ARAP2: variants seen among roughly 807,000 people sequenced by gnomAD.
ARAP2 encodes arf-GAP with Rho-GAP domain, ANK repeat and PH domain-containing protein 2.
Under a neutral mutation model 194.5 loss-of-function variants are expected in ARAP2, and 148 were observed. The observed-to-expected ratio is 0.76, with a 90% CI of 0.67 to 0.87. The LOEUF (loss-of-function observed/expected upper bound fraction) is 0.87, where lower values mean the gene tolerates loss of function less well. Ranked by LOEUF, ARAP2 falls within the 40% of genes least tolerant of loss-of-function variation. The pLI is 0.00. For synonymous variants in ARAP2, 695 were observed against 683.5 expected, an observed-to-expected ratio of 1.02 and a Z score of -0.26; for missense variants, 2,128 against 1,989.7, an observed-to-expected ratio of 1.07 and a Z score of -1.32.
intron 2 of ARAP2, among the ~76,000 whole-genome samples, chr4:36,221,129 T>G (rs1459550963): frequency 6.6e-6 from 1 of 152,138 alleles, no homozygotes; most frequent in African/African-American, 2.4e-5. Context: ...TTCCTACAGT[T>G]CAGTACAGTA....
At position 36,067,103 on chromosome 4, in the gene ARAP2, C is replaced by T. The variant is rs1350181226; in HGVS notation, c.*804G>A. On this transcript the variant is annotated 3_prime_UTR_variant, in exon 33 of 33. Coordinates refer to ENST00000303965, the MANE Select transcript of ARAP2 (RefSeq NM_015230.4). ...AGGCCAGGTCCTGTGTACACAACCT[C>T]TCCAATGCAGTGTAAGTTTCCTCTT... The T allele has an allele frequency of 6.6e-6, 1 of 152,260 alleles. No homozygotes were observed. Among genetic ancestry groups the T allele is most frequent in the Non-Finnish European group, 1.5e-5 (1 of 68,052 alleles). 9.4% of individuals were successfully genotyped at this position (152,260 alleles called of 1,614,324 possible). A position where few individuals can be genotyped will look rare whatever the true frequency, so the allele number is the denominator to read the frequency against.
chr4:36,097,599 A>G (rs1715648649), intron 27 of ARAP2, among the ~76,000 whole-genome samples: 1 of 152,090 alleles, frequency 6.6e-6, no homozygotes, highest in African/African-American at 2.4e-5. Context: ...GCTAGACAGA[A>G]AGCTCCCTTG....
chr4:36,243,383 CAAAAAAAA>C (rs71201008), intron 1 of ARAP2, among the ~76,000 whole-genome samples: 32,101 of 85,332 alleles, frequency 0.38, 4,349 homozygotes, highest in Middle Eastern at 0.58. Flanking sequence ...GACAAGCTTG[CAAAAAAAA>C]AAAAAAAAAA....
At chr4:36,236,226 T>C (rs918427238) in intron 1 of ARAP2, among the ~76,000 whole-genome samples, 2 of 150,398 alleles carry the variant, frequency 1.3e-5, no homozygotes, top group Admixed American at 6.6e-5. Flanking sequence ...TTCCCCCTAA[T>C]GTCTCGAATA....
chr4:36,028,356 T>C (rs1172548184), intron 5 of ARAP2, among the ~76,000 whole-genome samples: 3 of 152,078 alleles, frequency 2.0e-5, no homozygotes, highest in Non-Finnish European at 4.4e-5. Context: ...TTTTAAAATC[T>C]TCTTAATTTC....
At chr4:36,118,001 T>C (rs181711584) in intron 24 of ARAP2, among the ~76,000 whole-genome samples, 24 of 151,496 alleles carry the variant, frequency 1.6e-4, no homozygotes, top group Middle Eastern at 3.4e-3. Context: ...ATAAAAAAGA[T>C]CATAACCAAG....
At chr4:36,180,869 T>G (rs929625191) in intron 8 of ARAP2, among the ~76,000 whole-genome samples, 1 of 152,234 alleles carries the variant, frequency 6.6e-6, no homozygotes, top group Non-Finnish European at 1.5e-5. Context: ...AATAGTAGCA[T>G]TCAGTTTATT....
chr4:36,014,562 ACAAATTCAGCAAATTGCTATTATAATAC>A (rs1473909955), intron 8 of ARAP2, among the ~76,000 whole-genome samples: 16 of 152,198 alleles, frequency 1.1e-4, no homozygotes, highest in African/African-American at 3.6e-4. Flanking sequence ...AAGCAAATAA[ACAAATTCAGCAAATTGCTATTATAATAC>A]CAAAATCAGA....
At chr4:36,024,814 CTTTATA>C (rs1488730084) in intron 5 of ARAP2, among the ~76,000 whole-genome samples, 5 of 152,040 alleles carry the variant, frequency 3.3e-5, no homozygotes, top group Non-Finnish European at 7.4e-5. Flanking sequence ...TTTTACAAAA[CTTTATA>C]TTTAAATAGG....
intron 20 of ARAP2, among the ~76,000 whole-genome samples, chr4:36,129,889 C>T (rs1244451166): frequency 5.3e-5 from 8 of 151,628 alleles, no homozygotes; most frequent in Admixed American, 4.0e-4. Context: ...CAAAATAACC[C>T]GAAGGAATTA....
chr4:36,021,429 G>T (rs1415997452), intron 5 of ARAP2, among the ~76,000 whole-genome samples: 1 of 152,158 alleles, frequency 6.6e-6, no homozygotes, highest in Non-Finnish European at 1.5e-5. Context: ...TCTCATGAAT[G>T]GTTTGGTACC....
At chr4:36,127,186 C>T (rs1724143324) in intron 21 of ARAP2, among the ~76,000 whole-genome samples, 1 of 151,996 alleles carries the variant, frequency 6.6e-6, no homozygotes, top group Non-Finnish European at 1.5e-5. Context: ...AATTATAAGT[C>T]TATAAAGTAG....
Position 36,209,437 on chromosome 4 carries a change from G to A in ARAP2, c.1487+953C>T, listed in dbSNP as rs1468631567. ...TTCCTAAAAGAATGAAAATATATAA[G>A]GTATTAACATATAATTGCTAACCAT... On this transcript the variant is annotated intron_variant, in intron 6 of 32. Transcript: ENST00000303965. The A allele has an allele frequency of 1.8e-5, 8 of 443,800 alleles. No individual in the cohort carries two copies. In the East Asian group the frequency reaches 5.9e-4, roughly 33 times the overall value. 27.5% of individuals were successfully genotyped at this position (443,800 alleles called of 1,614,324 possible).
At chr4:36,121,446 C>G in intron 22 of ARAP2, 120 bp from the exon 23 acceptor site, 1 of 883,942 alleles carries the variant, frequency 1.1e-6, no homozygotes, top group Non-Finnish European at 1.7e-6. Context: ...ATAAAAGATA[C>G]AGTGGTGACT....
rs532569846 is a variant in ARAP2 at position 36,198,201 on chromosome 4, T to G, written c.1488-4554A>C. ...GCAGGTCATCTGATGTCTGCAGCTA[T>G]CAGCAGAGGGTAGGCCCTGGCCATG... On this transcript the variant is annotated intron_variant, in intron 6 of 32. Transcript: ENST00000303965. 5.8e-4 allele frequency among the ~76,000 whole-genome samples: 88 copies of G among 152,242 alleles called. 1 individual carries two copies. Among genetic ancestry groups the G allele is most frequent in the African/African-American group, 2.1e-3 (88 of 41,558 alleles).
intron 30 of ARAP2, among the ~76,000 whole-genome samples, chr4:36,080,773 A>T (rs547565713): frequency 5.2e-4 from 79 of 152,324 alleles, no homozygotes; most frequent in African/African-American, 1.9e-3. Context: ...CTGCATATCC[A>T]ATAACAGTGA....
At chr4:36,190,228 C>A (rs1428660943) in intron 7 of ARAP2, among the ~76,000 whole-genome samples, 2 of 152,212 alleles carry the variant, frequency 1.3e-5, no homozygotes, top group Non-Finnish European at 2.9e-5. Context: ...CACATTCTCT[C>A]AAACCCCTCA....
intron 31 of ARAP2, among the ~76,000 whole-genome samples, chr4:36,079,821 G>A (rs1025894029): frequency 6.6e-6 from 1 of 152,146 alleles, no homozygotes; most frequent in African/African-American, 2.4e-5. Flanking sequence ...CTTGTTTCTG[G>A]AAAGGCAGGG....
At chr4:36,114,027 C>T (rs1205600005) in intron 26 of ARAP2, 143 bp downstream of exon 26, 1 of 653,378 alleles carries the variant, frequency 1.5e-6, no homozygotes, top group Non-Finnish European at 2.7e-6. Flanking sequence ...AAAAGGCAAC[C>T]TCAAACATAT....
Sources: allele counts gnomAD v4.1 joint callset (sites outside exome capture counted in the v4.1 genomes callset), GRCh38; gene constraint gnomAD v4.1.1; transcripts MANE v1.5; gene names NCBI Gene and HGNC (gene_info 2026-07-23, HGNC 2026-07-21).